The following RBFOX1 variants were observed in gnomAD, a reference collection of about 807,000 sequenced individuals.
RBFOX1 encodes RNA binding protein fox-1 homolog 1.
RBFOX1 carries 8 observed loss-of-function variants against 57.7 expected under a neutral mutation model. That is an observed-to-expected ratio of 0.14 (90% CI 0.08 to 0.25). RBFOX1 has a LOEUF of 0.25. Ranked by LOEUF, RBFOX1 falls within the 10% of genes least tolerant of loss-of-function variation. The probability of loss-of-function intolerance (pLI) is 1.00; values close to 1 mark genes in which losing one functional copy is unlikely to be tolerated. For missense variants in RBFOX1, 611 were observed against 548.5 expected (o/e 1.11, Z -1.14); for synonymous variants, 326 against 222.4 (o/e 1.47, Z -4.15).
intron 5 of RBFOX1, among the ~76,000 whole-genome samples, chr16:7,531,572 G>A (rs1039992154): frequency 6.6e-6 from 1 of 152,172 alleles, no homozygotes; most frequent in Non-Finnish European, 1.5e-5. Flanking sequence ...CCCAGTCCAT[G>A]CTGGGGTCTT....
At chr16:6,612,891 C>T (rs1040598539) in intron 2 of RBFOX1, among the ~76,000 whole-genome samples, 19 of 145,044 alleles carry the variant, frequency 1.3e-4, no homozygotes, top group African/African-American at 4.8e-4. Flanking sequence ...TTGTTTGTTC[C>T]AGAGGGCTGT....
chr16:5,762,831 A>G (rs933681727), intron 3 of RBFOX1, among the ~76,000 whole-genome samples: 3 of 152,208 alleles, frequency 2.0e-5, no homozygotes, highest in Non-Finnish European at 2.9e-5. Flanking sequence ...CAAGTGAAAA[A>G]TTATGTTAAA....
intron 11 of RBFOX1, 69 bp from the exon 12 acceptor site, chr16:7,653,746 G>T: frequency 6.3e-7 from 1 of 1,595,034 alleles, no homozygotes; most frequent in Non-Finnish European, 8.5e-7. Context: ...TCCCGGGGCA[G>T]TTCCCTCCAC....
chr16:7,535,070 A>C (rs1275409806), intron 5 of RBFOX1, among the ~76,000 whole-genome samples: 1 of 152,214 alleles, frequency 6.6e-6, no homozygotes, highest in Non-Finnish European at 1.5e-5. Context: ...CTAACATTGA[A>C]GGGAAATTGT....
At chr16:6,851,549 T>C (rs764675731) in intron 3 of RBFOX1, among the ~76,000 whole-genome samples, 13 of 152,204 alleles carry the variant, frequency 8.5e-5, no homozygotes, top group Non-Finnish European at 1.9e-4. Flanking sequence ...TTTATTTAAA[T>C]ATTTGTGTTC....
At chr16:5,627,163 T>C (rs552798536) in intron 3 of RBFOX1, among the ~76,000 whole-genome samples, 1 of 152,322 alleles carries the variant, frequency 6.6e-6, no homozygotes, top group South Asian at 2.1e-4. Context: ...TAGAAATTAT[T>C]TGGGTAAGTT....
chr16:6,507,249 C>T (rs1009970976), intron 2 of RBFOX1, among the ~76,000 whole-genome samples: 1 of 152,012 alleles, frequency 6.6e-6, no homozygotes, highest in Non-Finnish European at 1.5e-5. Flanking sequence ...TTACTTAAAA[C>T]ATAAATCAAC....
intron 2 of RBFOX1, among the ~76,000 whole-genome samples, chr16:5,518,819 T>C (rs1457405249): frequency 6.6e-6 from 1 of 152,182 alleles, no homozygotes; most frequent in Non-Finnish European, 1.5e-5. Context: ...AAATGACAGA[T>C]TCAAGATGAT....
intron 3 of RBFOX1, among the ~76,000 whole-genome samples, chr16:6,850,735 A>T (rs898121963): frequency 2.6e-5 from 4 of 152,230 alleles, no homozygotes; most frequent in African/African-American, 9.6e-5. Flanking sequence ...AATAGTGACA[A>T]TACCAAATGC....
chr16:6,124,250 A>T (rs1386089), intron 1 of RBFOX1, among the ~76,000 whole-genome samples: 7 of 151,992 alleles, frequency 4.6e-5, no homozygotes, highest in Non-Finnish European at 1.0e-4. Context: ...TTTGCTACCC[A>T]GCTCCCTCTA....
chr16:7,094,767 T>TGTGTGTGTGTGTGG lies in RBFOX1; in HGVS notation c.27+42678_27+42679insTGTGGGTGTGTGTG, dbSNP rs1567232476. Among the ~76,000 whole-genome samples the TGTGTGTGTGTGTGG allele has an allele frequency of 6.4e-5, 9 of 141,012 alleles. No individual in the cohort carries two copies. The South Asian group carries it at 1.9e-3, about 29-fold the overall frequency. The allele number at this position is 141,012 out of a possible 152,430, so 92.5% of individuals were successfully genotyped here. A position where few individuals can be genotyped will look rare whatever the true frequency, so the allele number is the denominator to read the frequency against. Reference sequence around the variant, plus strand: ...AGCTGTGTGTGTGTGTGTGTGTGTGTGTGTGTGTGGGTGTGTGTGTGTGTT... The same window carrying TGTGTGTGTGTGTGG: ...AGCTGTGTGTGTGTGTGTGTGTGTGTGTGTGTGTGTGTGGGTGTGTGTGGGTGTGTGTGTGTGTT... On this transcript the variant is annotated intron_variant, in intron 4 of 15. Transcript: ENST00000550418.
At chr16:6,793,027 T>TG (rs2083272132) in intron 3 of RBFOX1, among the ~76,000 whole-genome samples, 2 of 117,088 alleles carry the variant, frequency 1.7e-5, no homozygotes, top group Admixed American at 8.3e-5. Context: ...AGACTCCATC[T>TG]GAAAAAAAAA....
chr16:7,137,184 T>C (rs2072262343), intron 4 of RBFOX1, among the ~76,000 whole-genome samples: 1 of 152,214 alleles, frequency 6.6e-6, no homozygotes, highest in South Asian at 2.1e-4. Flanking sequence ...AAGTCTAATC[T>C]TTACTGAGCT....
intron 4 of RBFOX1, among the ~76,000 whole-genome samples, chr16:7,425,271 G>A (rs570201906): frequency 1.3e-5 from 2 of 152,108 alleles, no homozygotes; most frequent in African/African-American, 2.4e-5. Context: ...GAGAGAAGTG[G>A]GGTTTAATTT....
At chr16:5,564,473 T>C (rs2045993198) in intron 2 of RBFOX1, among the ~76,000 whole-genome samples, 1 of 152,230 alleles carries the variant, frequency 6.6e-6, no homozygotes, top group Non-Finnish European at 1.5e-5. Flanking sequence ...TTTATTTTTT[T>C]GGTCTAATAA....
At chr16:6,997,172 A>T (rs2092330052) in intron 3 of RBFOX1, among the ~76,000 whole-genome samples, 2 of 152,058 alleles carry the variant, frequency 1.3e-5, no homozygotes, top group Non-Finnish European at 2.9e-5. Context: ...TTAAATAGAG[A>T]ATTATCTTAG....
At chr16:6,285,102 T>C (rs970669527) in intron 1 of RBFOX1, among the ~76,000 whole-genome samples, 24 of 152,082 alleles carry the variant, frequency 1.6e-4, no homozygotes, top group African/African-American at 5.5e-4. Flanking sequence ...ATACTTACTG[T>C]AGGAGTCAAG....
chr16:6,084,688 G>A (rs915753589), intron 1 of RBFOX1, among the ~76,000 whole-genome samples: 1 of 152,096 alleles, frequency 6.6e-6, no homozygotes. Context: ...ATGCTCTATC[G>A]GGATTCCTTG....
intron 13 of RBFOX1, chr16:7,671,574 C>T (rs1237987000): frequency 1.2e-6 from 2 of 1,611,394 alleles, no homozygotes; most frequent in African/African-American, 1.3e-5. Context: ...TATCAAGAGC[C>T]TGTGTATGGC....
Sources: gnomAD v4.1 joint callset for allele counts (sites outside exome capture counted in the v4.1 genomes callset) on GRCh38, gnomAD v4.1.1 for gene constraint, MANE v1.5 for transcripts, NCBI Gene and HGNC (gene_info 2026-07-23, HGNC 2026-07-21) for gene names.